Variants in CTNNA1 observed in about 807,000 individuals in gnomAD.
CTNNA1 encodes the protein catenin alpha-1.
A neutral mutation model predicts 98.4 loss-of-function variants in CTNNA1; 37 were observed. The observed-to-expected ratio is 0.38, with a 90% CI of 0.29 to 0.49. The LOEUF is 0.49. CTNNA1 is among the 20% of genes least tolerant of loss of function. CTNNA1 has a pLI of 0.95. For synonymous variants in CTNNA1, 404 were observed against 413.2 expected, an observed-to-expected ratio of 0.98 and a Z score of 0.27; for missense variants, 761 against 1,147.2, an observed-to-expected ratio of 0.66 and a Z score of 4.86.
At chr5:138,760,035 C>T (rs530894504) in intron 1 of CTNNA1, among the ~76,000 whole-genome samples, 2 of 144,506 alleles carry the variant, frequency 1.4e-5, no homozygotes, top group South Asian at 4.4e-4. Flanking sequence ...ACTCTTGTCG[C>T]CCAGGCTGGA....
intron 10 of CTNNA1, among the ~76,000 whole-genome samples, chr5:138,908,150 G>A (rs1219672387): frequency 6.6e-6 from 1 of 152,010 alleles, no homozygotes; most frequent in Admixed American, 6.5e-5. Context: ...GCTAATTTTT[G>A]TATTTTTTAG....
chr5:138,875,119 G>A (rs1280901161), intron 7 of CTNNA1: 28 of 513,986 alleles, frequency 5.4e-5, no homozygotes, highest in Non-Finnish European at 1.0e-5. Flanking sequence ...TTCTGTGATT[G>A]CTCTGATCCC....
chr5:138,783,974 C>T (rs1387493522), intron 3 of CTNNA1, among the ~76,000 whole-genome samples: 1 of 152,198 alleles, frequency 6.6e-6, no homozygotes, highest in East Asian at 1.9e-4. Context: ...TGGTAATCCA[C>T]AGTTTACTAA....
chr5:138,891,327 C>A (rs956546353), intron 9 of CTNNA1: 2 of 152,150 alleles, frequency 1.3e-5, no homozygotes, highest in Non-Finnish European at 2.9e-5. Context: ...GAAACTCTCC[C>A]TCCAGAGACA....
intron 3 of CTNNA1, among the ~76,000 whole-genome samples, chr5:138,806,980 T>C (rs998688141): frequency 5.3e-5 from 8 of 151,650 alleles, no homozygotes; most frequent in Non-Finnish European, 2.9e-5. Context: ...TTTAAAAATA[T>C]GTGTAGTGCC....
chr5:138,924,383 A>C, intron 11 of CTNNA1, 127 bp from the exon 12 acceptor site: 1 of 805,860 alleles, frequency 1.2e-6, no homozygotes, highest in South Asian at 1.7e-5. Flanking sequence ...TCTCCAATGA[A>C]GTATATGTAA....
chr5:138,792,174 T>G (rs1183641835), intron 3 of CTNNA1, among the ~76,000 whole-genome samples: 2 of 152,152 alleles, frequency 1.3e-5, no homozygotes, highest in Non-Finnish European at 2.9e-5. Flanking sequence ...AATTTGTATA[T>G]AGGGAGAAAA....
intron 7 of CTNNA1, among the ~76,000 whole-genome samples, chr5:138,852,274 A>C (rs1452745737): frequency 6.6e-6 from 1 of 152,088 alleles, no homozygotes. Flanking sequence ...CTTGCCTGTG[A>C]GGCTGTGGGC....
intron 5 of CTNNA1, among the ~76,000 whole-genome samples, chr5:138,816,249 C>A (rs1561555128): frequency 1.3e-5 from 2 of 152,154 alleles, no homozygotes; most frequent in Admixed American, 6.5e-5. Flanking sequence ...AAATAGTATT[C>A]CATTGTGAAT....
At chr5:138,814,250 CT>C (rs201780214) in intron 5 of CTNNA1, among the ~76,000 whole-genome samples, 224 of 136,634 alleles carry the variant, frequency 1.6e-3, no homozygotes, top group Admixed American at 1.7e-3. Context: ...GCTCAGTGTG[CT>C]TTTTTTTTTT....
chr5:138,811,590 A>T (rs575000767), intron 4 of CTNNA1, among the ~76,000 whole-genome samples: 6 of 151,998 alleles, frequency 3.9e-5, no homozygotes, highest in Non-Finnish European at 7.4e-5. Flanking sequence ...AGGTTGTAGC[A>T]AGCCGAGATC....
chr5:138,772,053 A>G (rs895103670), intron 1 of CTNNA1, among the ~76,000 whole-genome samples: 2 of 152,228 alleles, frequency 1.3e-5, no homozygotes, highest in African/African-American at 4.8e-5. Context: ...TGAATGCTGA[A>G]CATCTTTGGA....
intron 9 of CTNNA1, among the ~76,000 whole-genome samples, chr5:138,901,177 TGA>T (rs1306392087): frequency 6.6e-6 from 1 of 152,154 alleles, no homozygotes; most frequent in Non-Finnish European, 1.5e-5. Flanking sequence ...TTCTCTTTTT[TGA>T]GAGAGTCTCG....
chr5:138,834,085 T>C (rs1464977641), intron 7 of CTNNA1, among the ~76,000 whole-genome samples: 1 of 152,236 alleles, frequency 6.6e-6, no homozygotes, highest in Non-Finnish European at 1.5e-5. Context: ...ATTGTTATTA[T>C]AGTGAAGTGA....
chr5:138,791,586 C>T (rs1756367935), intron 3 of CTNNA1, among the ~76,000 whole-genome samples: 1 of 114,586 alleles, frequency 8.7e-6, no homozygotes, highest in African/African-American at 3.4e-5. Flanking sequence ...CGCTGTGCTC[C>T]AGTCTGGAGA....
intron 9 of CTNNA1, among the ~76,000 whole-genome samples, chr5:138,894,965 A>G (rs1210004870): frequency 6.6e-6 from 1 of 152,130 alleles, no homozygotes; most frequent in Non-Finnish European, 1.5e-5. Flanking sequence ...TGCATCCTCT[A>G]GCAGTCATTT....
chr5:138,803,073 G>A (rs1460439555), intron 3 of CTNNA1, among the ~76,000 whole-genome samples: 1 of 152,072 alleles, frequency 6.6e-6, no homozygotes, highest in Non-Finnish European at 1.5e-5. Flanking sequence ...AGAGTGCTGG[G>A]ATTATAGGTG....
intron 9 of CTNNA1, among the ~76,000 whole-genome samples, chr5:138,895,474 G>A (rs1438548098): frequency 2.0e-5 from 3 of 150,180 alleles, no homozygotes; most frequent in Non-Finnish European, 4.4e-5. Flanking sequence ...TTTTGAAAAG[G>A]TTAACTGACA....
intron 5 of CTNNA1, among the ~76,000 whole-genome samples, chr5:138,823,492 T>C (rs541516393): frequency 2.8e-4 from 43 of 152,186 alleles, no homozygotes; most frequent in Admixed American, 1.4e-3. Context: ...CTGTTTAATG[T>C]ACTGTGTAAG....
Sources: gnomAD v4.1 joint callset for allele counts (sites outside exome capture counted in the v4.1 genomes callset) on GRCh38, gnomAD v4.1.1 for gene constraint, MANE v1.5 for transcripts, NCBI Gene and HGNC (gene_info 2026-07-23, HGNC 2026-07-21) for gene names.